Variants in MEI4 observed in about 807,000 individuals in gnomAD.
The protein encoded by MEI4 is meiosis-specific protein MEI4.
A neutral mutation model predicts 31.4 loss-of-function variants in MEI4; 27 were observed. The observed-to-expected ratio is 0.86, with a 90% CI of 0.63 to 1.19. The LOEUF (loss-of-function observed/expected upper bound fraction) is 1.19. MEI4 is among the 50% of genes most tolerant of loss of function. The probability of loss-of-function intolerance (pLI) is 0.00; values close to 1 mark genes in which losing one functional copy is unlikely to be tolerated. For synonymous variants in MEI4, 122 were observed against 145.4 expected, an observed-to-expected ratio of 0.84 and a Z score of 1.16; for missense variants, 329 against 398.9, an observed-to-expected ratio of 0.82 and a Z score of 1.49.
At chr6:77,670,522 A>G (rs375113121) in intron 1 of MEI4, among the ~76,000 whole-genome samples, 1 of 152,150 alleles carries the variant, frequency 6.6e-6, no homozygotes, top group African/African-American at 2.4e-5. Flanking sequence ...ATAGGGACAT[A>G]ATGGCAATCC....
At chr6:77,698,986 T>TA (rs1766132495) in intron 2 of MEI4, among the ~76,000 whole-genome samples, 1 of 151,988 alleles carries the variant, frequency 6.6e-6, no homozygotes, top group Non-Finnish European at 1.5e-5. Context: ...CTTTTTTCTC[T>TA]AAACTTCCCT....
rs528871500 is a variant in MEI4, at chr6:77,791,933, C to T, written c.768+30268C>T. ...ATCTCTGATCATCCTTTGACCAACACCTCCCACACCTCCTCACTACCTCAA... is the reference window on the plus strand; with the variant it reads ...ATCTCTGATCATCCTTTGACCAACATCTCCCACACCTCCTCACTACCTCAA... On this transcript the variant is annotated intron_variant, in intron 3 of 4. Transcript: ENST00000684080. Among the ~76,000 whole-genome samples, 8 of 152,292 alleles carry T rather than the reference C, an allele frequency of 5.3e-5. No individual in the cohort carries two copies. In the East Asian group the frequency reaches 1.2e-3, roughly 22 times the overall value.
In MEI4 at chr6:77,922,978, T is replaced by C. The variant is rs190340777; in HGVS notation, c.901-111T>C. 13 of 553,598 alleles carry C rather than the reference T, an allele frequency of 2.3e-5. No individual in the cohort carries two copies. In the African/African-American group the frequency reaches 2.5e-4, roughly 11 times the overall value. 34.3% of individuals were successfully genotyped at this position (553,598 alleles called of 1,614,324 possible). A position where few individuals can be genotyped will look rare whatever the true frequency, so the allele number is the denominator to read the frequency against. Reference sequence around the variant, plus strand: ...ACCAGTGACAGGATGACAGAAGGTGTTAAATATTTCAAATATATTTCGTTT... The same window carrying C: ...ACCAGTGACAGGATGACAGAAGGTGCTAAATATTTCAAATATATTTCGTTT... On this transcript the variant is annotated intron_variant, in intron 4 of 4. Coordinates refer to ENST00000684080, the MANE Select transcript of MEI4 (RefSeq NM_001322247.2).
chr6:77,729,523 A>G (rs1766916664), intron 2 of MEI4, among the ~76,000 whole-genome samples: 2 of 152,198 alleles, frequency 1.3e-5, no homozygotes, highest in Non-Finnish European at 2.9e-5. Context: ...GGCAAGATTG[A>G]AAACCAGGGA....
At chr6:77,824,767 T>C (rs1464151176) in intron 3 of MEI4, among the ~76,000 whole-genome samples, 1 of 152,184 alleles carries the variant, frequency 6.6e-6, no homozygotes, top group Non-Finnish European at 1.5e-5. Flanking sequence ...GTTATTATCA[T>C]TGTTATTGGG....
intron 3 of MEI4, among the ~76,000 whole-genome samples, chr6:77,816,142 T>C (rs902742180): frequency 8.5e-5 from 13 of 152,136 alleles, no homozygotes; most frequent in Non-Finnish European, 2.9e-5. Context: ...AATGTACCTC[T>C]GGGTTACTTA....
intron 2 of MEI4, among the ~76,000 whole-genome samples, chr6:77,700,416 G>T (rs1037587077): frequency 3.3e-5 from 5 of 152,206 alleles, no homozygotes; most frequent in African/African-American, 1.2e-4. Context: ...ATAATCTCCT[G>T]GTGTGCCGTT....
At chr6:77,841,335 T>TA (rs1447791713) in intron 4 of MEI4, among the ~76,000 whole-genome samples, 17 of 21,272 alleles carry the variant, frequency 8.0e-4, no homozygotes, top group Non-Finnish European at 1.1e-3. Context: ...ATATATATAT[T>TA]TTTTTTTTTT....
intron 4 of MEI4, among the ~76,000 whole-genome samples, chr6:77,857,468 C>T (rs1353335839): frequency 6.6e-6 from 1 of 152,144 alleles, no homozygotes; most frequent in Non-Finnish European, 1.5e-5. Flanking sequence ...TTCTGATTAT[C>T]CCCTGTGATA....
At chr6:77,826,209 A>G (rs1253252708) in intron 3 of MEI4, among the ~76,000 whole-genome samples, 2 of 152,220 alleles carry the variant, frequency 1.3e-5, no homozygotes, top group Non-Finnish European at 2.9e-5. Context: ...AGTTCTGGAT[A>G]TACACTTACT....
chr6:77,697,399 C>T (rs1766079092), intron 2 of MEI4, among the ~76,000 whole-genome samples: 1 of 152,078 alleles, frequency 6.6e-6, no homozygotes, highest in Non-Finnish European at 1.5e-5. Flanking sequence ...CTCTTGTGGG[C>T]ATTTAGTGCT....
chr6:77,804,585 C>T (rs1296467162), intron 3 of MEI4, among the ~76,000 whole-genome samples: 5 of 152,168 alleles, frequency 3.3e-5, no homozygotes, highest in African/African-American at 9.7e-5. Flanking sequence ...CCTATTTGGC[C>T]ATCTTGCCTC....
intron 3 of MEI4, among the ~76,000 whole-genome samples, chr6:77,787,019 T>A (rs1768753826): frequency 6.6e-6 from 1 of 152,182 alleles, no homozygotes; most frequent in Non-Finnish European, 1.5e-5. Context: ...GCACAGCAGA[T>A]TCTGAAATGG....
chr6:77,739,729 T>TA lies in MEI4; in HGVS notation c.233-21390dup, dbSNP rs571704986. On this transcript the variant is annotated intron_variant, in intron 2 of 4. Transcript: ENST00000684080. ...GCACATGTATCCCAGAACTTAGAAT[T>TA]AAAAAAAAAAATAGGAAAACCAACT... 4.9e-3 allele frequency among the ~76,000 whole-genome samples: 729 copies of TA among 147,808 alleles called. 2 individuals are homozygous for TA. The highest frequency in any genetic ancestry group is 0.015 in the African/African-American group (610 of 40,514).
At chr6:77,846,128 T>C (rs1448165375) in intron 4 of MEI4, among the ~76,000 whole-genome samples, 1 of 152,118 alleles carries the variant, frequency 6.6e-6, no homozygotes, top group Non-Finnish European at 1.5e-5. Context: ...TTTTTCTTTT[T>C]TTGAGATGGA....
chr6:77,688,830 A>C (rs558844693), intron 1 of MEI4, among the ~76,000 whole-genome samples: 1 of 152,224 alleles, frequency 6.6e-6, no homozygotes, highest in Non-Finnish European at 1.5e-5. Context: ...TGTCCTGTGC[A>C]CATAGGGTGC....
At chr6:77,797,975 A>G (rs1769126203) in intron 3 of MEI4, among the ~76,000 whole-genome samples, 1 of 152,096 alleles carries the variant, frequency 6.6e-6, no homozygotes, top group Non-Finnish European at 1.5e-5. Flanking sequence ...CACACACACA[A>G]GCCTATGTAT....
rs543847476 is a variant in MEI4, at chr6:77,724,877, A to G, written c.232+33974A>G. On this transcript the variant is annotated intron_variant, in intron 2 of 4. Transcript: ENST00000684080. ...GCTCTGCTACATATTCGCAATGTAA[A>G]CTTTCGGTTTCTTTCTGGGATTTTT... Among the ~76,000 whole-genome samples, 820 of 146,488 alleles carry G rather than the reference A, an allele frequency of 5.6e-3. 34 individuals are homozygous for G. Among genetic ancestry groups the G allele is most frequent in the African/African-American group, 0.02 (791 of 39,528 alleles).
At chr6:77,796,961 T>C (rs1297988513) in intron 3 of MEI4, among the ~76,000 whole-genome samples, 1 of 152,114 alleles carries the variant, frequency 6.6e-6, no homozygotes, top group East Asian at 1.9e-4. Flanking sequence ...GATAGTAATA[T>C]AAACAGGGTG....
Sources: allele counts gnomAD v4.1 joint callset (sites outside exome capture counted in the v4.1 genomes callset), GRCh38; gene constraint gnomAD v4.1.1; transcripts MANE v1.5; gene names NCBI Gene and HGNC (gene_info 2026-07-23, HGNC 2026-07-21).